TENM3: variants seen among roughly 807,000 people sequenced by gnomAD.
TENM3 encodes teneurin transmembrane protein 3, also known as teneurin-3.
In TENM3, 63 loss-of-function variants were observed where a neutral mutation model predicts 255.1. The ratio of observed to expected loss-of-function variants is 0.25; its 90% CI spans 0.20 to 0.30. The LOEUF (loss-of-function observed/expected upper bound fraction) is 0.30, where lower values mean the gene tolerates loss of function less well. Ranked by LOEUF, TENM3 falls within the 10% of genes least tolerant of loss-of-function variation. The pLI is 1.00. For synonymous variants in TENM3, 1,306 were observed against 1,322.3 expected, an observed-to-expected ratio of 0.99 and a Z score of 0.27; for missense variants, 2,929 against 3,461.1, an observed-to-expected ratio of 0.85 and a Z score of 3.86.
At chr4:181,944,708 T>C in the TENM3 span, among the ~76,000 whole-genome samples, 1 of 152,048 alleles carries the variant, frequency 6.6e-6, no homozygotes, top group Admixed American at 6.5e-5. Context: ...GGCCACACCG[T>C]GCCTCTCTGT....
At chr4:181,455,838 A>G in the TENM3 span, among the ~76,000 whole-genome samples, 2 of 151,982 alleles carry the variant, frequency 1.3e-5, no homozygotes, top group South Asian at 2.1e-4. Flanking sequence ...CTAACAAGAG[A>G]ATCAAGTGAG....
the TENM3 span, among the ~76,000 whole-genome samples, chr4:181,869,590 G>A: frequency 1.4e-3 from 214 of 152,038 alleles, 1 homozygote; most frequent in Middle Eastern, 3.4e-3. Flanking sequence ...TCAAAACATC[G>A]CATGTAACCA....
intron 1 of TENM3, among the ~76,000 whole-genome samples, chr4:182,150,408 A>G (rs1287507489): frequency 6.6e-6 from 1 of 152,106 alleles, no homozygotes; most frequent in East Asian, 1.9e-4. Flanking sequence ...GAAGAAAATT[A>G]ACTTGTAAAT....
At chr4:181,839,473 C>T in the TENM3 span, among the ~76,000 whole-genome samples, 1 of 140,672 alleles carries the variant, frequency 7.1e-6, no homozygotes, top group Non-Finnish European at 1.5e-5. Flanking sequence ...TATATATATA[C>T]AAAATACATT....
At chr4:182,578,057 A>G (rs980951406) in intron 3 of TENM3, among the ~76,000 whole-genome samples, 1 of 151,708 alleles carries the variant, frequency 6.6e-6, no homozygotes, top group African/African-American at 2.4e-5. Context: ...ACTCACTGCA[A>G]GCTCCACCTC....
At chr4:182,300,573 G>C (rs1442083046) in intron 1 of TENM3, among the ~76,000 whole-genome samples, 1 of 152,202 alleles carries the variant, frequency 6.6e-6, no homozygotes, top group Non-Finnish European at 1.5e-5. Flanking sequence ...TTAGGGATGG[G>C]AGGTAGGGAT....
chr4:182,396,056 G>A (rs915310265), intron 3 of TENM3, among the ~76,000 whole-genome samples: 5 of 151,774 alleles, frequency 3.3e-5, no homozygotes, highest in East Asian at 3.9e-4. Flanking sequence ...TTTCTCAACC[G>A]AAGCATATTT....
the TENM3 span, among the ~76,000 whole-genome samples, chr4:181,856,146 AGGAAGGAAAGGGAAGGAAAG>A: frequency 1.5e-5 from 2 of 136,596 alleles, no homozygotes; most frequent in Non-Finnish European, 3.1e-5. Flanking sequence ...GAAGGAAGGA[AGGAAGGAAAGGGAAGGAAAG>A]GGAAGGAAAG....
intron 3 of TENM3, among the ~76,000 whole-genome samples, chr4:182,577,047 T>A (rs550120413): frequency 6.6e-6 from 1 of 152,152 alleles, no homozygotes; most frequent in Admixed American, 6.6e-5. Context: ...CACGGCAGCT[T>A]CGTGCTCCCT....
intron 3 of TENM3, among the ~76,000 whole-genome samples, chr4:182,399,259 C>T (rs551332070): frequency 6.6e-6 from 1 of 152,214 alleles, no homozygotes; most frequent in African/African-American, 2.4e-5. Context: ...GGAATGAGTG[C>T]AGACACTGTT....
the TENM3 span, among the ~76,000 whole-genome samples, chr4:181,594,825 C>T: frequency 6.6e-6 from 1 of 152,192 alleles, no homozygotes; most frequent in Non-Finnish European, 1.5e-5. Flanking sequence ...CCAACACCCA[C>T]ACACATCTCA....
rs117217191 is a variant in TENM3, at chr4:182,342,183, C to G, written c.233-4468C>G. Among the ~76,000 whole-genome samples, 156 of 152,234 alleles carry G rather than the reference C, an allele frequency of 1.0e-3. 2 individuals are homozygous for G. In the East Asian group the frequency reaches 0.023, roughly 22 times the overall value. Reference sequence around the variant, plus strand: ...ACATATGTACGCATGAAAACTTGTACAGGAATGTTCCTGGAAGCATTCTCA... The same window carrying G: ...ACATATGTACGCATGAAAACTTGTAGAGGAATGTTCCTGGAAGCATTCTCA... On this transcript the variant is annotated intron_variant, in intron 2 of 27. Coordinates refer to ENST00000511685, the MANE Select transcript of TENM3 (RefSeq NM_001080477.4).
chr4:182,396,952 ACT>A (rs1215542064), intron 3 of TENM3, among the ~76,000 whole-genome samples: 1 of 151,894 alleles, frequency 6.6e-6, no homozygotes, highest in Non-Finnish European at 1.5e-5. Context: ...ACAGAGCGAG[ACT>A]CTGTCTCAAA....
chr4:182,528,592 A>G (rs1206875540), intron 3 of TENM3, among the ~76,000 whole-genome samples: 2 of 152,200 alleles, frequency 1.3e-5, no homozygotes, highest in African/African-American at 4.8e-5. Context: ...TATTCATGCA[A>G]AAATGCTTCT....
intron 3 of TENM3, among the ~76,000 whole-genome samples, chr4:182,428,846 TTC>T (rs1462201483): frequency 1.3e-5 from 2 of 152,202 alleles, no homozygotes; most frequent in African/African-American, 4.8e-5. Context: ...TTGCTATTTT[TTC>T]TGTCTCTGAT....
At chr4:181,696,895 G>A in the TENM3 span, among the ~76,000 whole-genome samples, 2 of 152,200 alleles carry the variant, frequency 1.3e-5, no homozygotes, top group African/African-American at 4.8e-5. Flanking sequence ...GTGCGTCAGA[G>A]CACGGGGTCC....
chr4:181,622,285 C>G, the TENM3 span, among the ~76,000 whole-genome samples: 1 of 152,164 alleles, frequency 6.6e-6, no homozygotes, highest in Non-Finnish European at 1.5e-5. Context: ...CCTTGCAGCT[C>G]TTGGATTGTA....
the TENM3 span, among the ~76,000 whole-genome samples, chr4:181,457,849 A>G: frequency 6.6e-6 from 1 of 151,960 alleles, no homozygotes; most frequent in Non-Finnish European, 1.5e-5. Context: ...TTTCACATAA[A>G]GAATACCAGA....
At chr4:181,488,997 T>C in the TENM3 span, among the ~76,000 whole-genome samples, 45 of 152,202 alleles carry the variant, frequency 3.0e-4, no homozygotes, top group Non-Finnish European at 1.2e-4. Context: ...CAAGGTCCTC[T>C]GAGCCTTGCA....
Sources: allele counts gnomAD v4.1 joint callset (sites outside exome capture counted in the v4.1 genomes callset), GRCh38; gene constraint gnomAD v4.1.1; transcripts MANE v1.5; gene names NCBI Gene and HGNC (gene_info 2026-07-23, HGNC 2026-07-21).